Variants in PCMTD1 observed in about 807,000 individuals in gnomAD.
PCMTD1 encodes protein-L-isoaspartate (D-aspartate) O-methyltransferase domain containing 1, also known as protein-L-isoaspartate O-methyltransferase domain-containing protein 1.
A neutral mutation model predicts 37.6 loss-of-function variants in PCMTD1; 12 were observed. The ratio of observed to expected loss-of-function variants is 0.32; its 90% CI spans 0.20 to 0.52. The LOEUF (loss-of-function observed/expected upper bound fraction) is 0.52. Among genes scored for constraint, PCMTD1 ranks in the 20% least tolerant of loss-of-function variants. PCMTD1 has a pLI of 0.97. For missense variants in PCMTD1, 235 were observed against 421.3 expected, an observed-to-expected ratio of 0.56 and a Z score of 3.87; for synonymous variants, 117 against 135.8, an observed-to-expected ratio of 0.86 and a Z score of 0.96.
At chr8:51,837,759 A>G (rs1202723972) in intron 3 of PCMTD1, among the ~76,000 whole-genome samples, 3 of 152,138 alleles carry the variant, frequency 2.0e-5, no homozygotes, top group African/African-American at 7.2e-5. Flanking sequence ...TCTGATACTA[A>G]TATCATGACT....
At chr8:51,848,715 G>A (rs2038259839) in intron 2 of PCMTD1, among the ~76,000 whole-genome samples, 2 of 152,100 alleles carry the variant, frequency 1.3e-5, no homozygotes, top group African/African-American at 4.8e-5. Context: ...GAAAGATAAA[G>A]ACAATTCATT....
Position 51,833,492 on chromosome 8 carries a change from C to T in PCMTD1, c.582+26G>A, listed in dbSNP as rs1461111324. ...ACAAATTTGCTTGCTTCCTAGGCCA[C>T]TAAAGAAAAGGAGAGTGGAAGTTAC... On this transcript the variant is annotated intron_variant, in intron 4 of 5. Coordinates refer to ENST00000522514, the MANE Select transcript of PCMTD1 (RefSeq NM_052937.4). 3 of 1,577,072 alleles carry T rather than the reference C, an allele frequency of 1.9e-6. No individual in the cohort carries two copies. The Admixed American group carries it at 5.5e-5, about 29-fold the overall frequency.
intron 2 of PCMTD1, among the ~76,000 whole-genome samples, chr8:51,847,495 T>C (rs1463671283): frequency 6.6e-6 from 1 of 151,940 alleles, no homozygotes; most frequent in Non-Finnish European, 1.5e-5. Flanking sequence ...GGTGTGGTGG[T>C]GCACACCTGT....
chr8:51,890,651 C>A (rs2038923735), intron 1 of PCMTD1, among the ~76,000 whole-genome samples: 1 of 152,222 alleles, frequency 6.6e-6, no homozygotes, highest in Non-Finnish European at 1.5e-5. Flanking sequence ...ACTACTTACG[C>A]AGTAGCAGTG....
At chr8:51,879,128 A>G (rs2038756081) in intron 1 of PCMTD1, among the ~76,000 whole-genome samples, 1 of 152,090 alleles carries the variant, frequency 6.6e-6, no homozygotes, top group African/African-American at 2.4e-5. Context: ...CCTGTGTCTC[A>G]AAAGAAAAAA....
intron 1 of PCMTD1, among the ~76,000 whole-genome samples, chr8:51,880,176 G>C (rs139695179): frequency 6.6e-6 from 1 of 151,010 alleles, no homozygotes; most frequent in Admixed American, 6.7e-5. Flanking sequence ...CTCCAGCCTG[G>C]GCAACACAGC....
At chr8:51,891,791 C>T (rs757802032) in intron 1 of PCMTD1, among the ~76,000 whole-genome samples, 12 of 151,408 alleles carry the variant, frequency 7.9e-5, no homozygotes, top group Non-Finnish European at 1.6e-4. Flanking sequence ...ACAGTTTACA[C>T]AATTAACAGT....
intron 1 of PCMTD1, among the ~76,000 whole-genome samples, chr8:51,895,026 G>T (rs2038980549): frequency 6.6e-6 from 1 of 152,194 alleles, no homozygotes; most frequent in South Asian, 2.1e-4. Context: ...TGAAAATAAG[G>T]CTGATGATAC....
chr8:51,864,785 A>C (rs2038525712), intron 1 of PCMTD1, among the ~76,000 whole-genome samples: 1 of 152,128 alleles, frequency 6.6e-6, no homozygotes, highest in Admixed American at 6.5e-5. Context: ...AATAAATTCA[A>C]GAAACTAGAG....
At chr8:51,835,278 A>G (rs888129000) in intron 3 of PCMTD1, among the ~76,000 whole-genome samples, 1 of 152,188 alleles carries the variant, frequency 6.6e-6, no homozygotes, top group Non-Finnish European at 1.5e-5. Flanking sequence ...TATCCCTTCA[A>G]GATATAGTTG....
intron 1 of PCMTD1, among the ~76,000 whole-genome samples, chr8:51,895,755 C>T (rs549743560): frequency 1.3e-5 from 2 of 152,230 alleles, no homozygotes; most frequent in Non-Finnish European, 2.9e-5. Flanking sequence ...CACTCACATC[C>T]AACATCCAAT....
intron 2 of PCMTD1, among the ~76,000 whole-genome samples, chr8:51,846,963 G>A (rs909385159): frequency 6.6e-6 from 1 of 152,056 alleles, no homozygotes; most frequent in African/African-American, 2.4e-5. Flanking sequence ...AAATAAAAAG[G>A]TGCTTGATTC....
At chr8:51,887,888 C>T (rs1221130605) in intron 1 of PCMTD1, among the ~76,000 whole-genome samples, 16 of 151,678 alleles carry the variant, frequency 1.1e-4, no homozygotes, top group Admixed American at 9.2e-4. Context: ...ATTACAGGCA[C>T]GTGCCAACCA....
At chr8:51,885,080 A>C (rs1053297002) in intron 1 of PCMTD1, among the ~76,000 whole-genome samples, 8 of 152,200 alleles carry the variant, frequency 5.3e-5, no homozygotes, top group Non-Finnish European at 8.8e-5. Flanking sequence ...TATAATCCTG[A>C]AAACCAGAAA....
At chr8:51,848,741 T>G (rs1418765179) in intron 2 of PCMTD1, among the ~76,000 whole-genome samples, 1 of 152,176 alleles carries the variant, frequency 6.6e-6, no homozygotes, top group African/African-American at 2.4e-5. Flanking sequence ...GTAAAGAATT[T>G]GACAAACAAT....
At chr8:51,896,308 C>G (rs994444182) in intron 1 of PCMTD1, 2 of 152,122 alleles carry the variant, frequency 1.3e-5, no homozygotes, top group African/African-American at 4.8e-5. Flanking sequence ...GATTAATAAA[C>G]CATATTATGA....
intron 1 of PCMTD1, among the ~76,000 whole-genome samples, chr8:51,864,332 T>G (rs1410817513): frequency 4.6e-5 from 7 of 152,134 alleles, no homozygotes; most frequent in Admixed American, 3.9e-4. Flanking sequence ...AAACTCCACG[T>G]TCAACAATGG....
At chr8:51,831,648 A>C (rs2038000232) in intron 4 of PCMTD1, 81 bp from the exon 5 acceptor site, 3 of 1,422,960 alleles carry the variant, frequency 2.1e-6, no homozygotes, top group Non-Finnish European at 2.8e-6. Context: ...CTTTGTTTTA[A>C]GGGAACAACT....
intron 1 of PCMTD1, among the ~76,000 whole-genome samples, chr8:51,898,600 C>G (rs2039045714): frequency 6.6e-6 from 1 of 152,166 alleles, no homozygotes; most frequent in Non-Finnish European, 1.5e-5. Flanking sequence ...GAGGACGGGC[C>G]GAGGACGCGG....
Sources: gnomAD v4.1 joint callset for allele counts (sites outside exome capture counted in the v4.1 genomes callset) on GRCh38, gnomAD v4.1.1 for gene constraint, MANE v1.5 for transcripts, NCBI Gene and HGNC (gene_info 2026-07-23, HGNC 2026-07-21) for gene names.